FHAD1: variants seen among roughly 807,000 people sequenced by gnomAD.
The protein encoded by FHAD1 is forkhead associated phosphopeptide binding domain 1, also known as forkhead-associated domain-containing protein 1.
Under a neutral mutation model 191.3 loss-of-function variants are expected in FHAD1, and 146 were observed. That is an observed-to-expected ratio of 0.76 (90% confidence interval 0.67 to 0.88). The LOEUF (loss-of-function observed/expected upper bound fraction) is 0.88. Ranked by LOEUF, FHAD1 falls within the 40% of genes least tolerant of loss-of-function variation. The pLI, the probability that FHAD1 is intolerant of heterozygous loss-of-function variation, is 0.00. For missense variants in FHAD1, 1,635 were observed against 1,785.8 expected (o/e 0.92, Z 1.52); for synonymous variants, 616 against 672.3 (o/e 0.92, Z 1.29).
chr1:15,382,265 G>C (rs768444212), intron 31 of FHAD1, 72 bp downstream of exon 31: 218 of 1,449,060 alleles, frequency 1.5e-4, no homozygotes, highest in Non-Finnish European at 2.0e-4. Flanking sequence ...GCCGAGGGTG[G>C]TCCCTGGAGG....
intron 6 of FHAD1, among the ~76,000 whole-genome samples, chr1:15,302,087 G>A (rs1311745786): frequency 3.3e-5 from 5 of 152,182 alleles, no homozygotes; most frequent in Admixed American, 2.0e-4. Context: ...TGCACAGCAC[G>A]TGAGAGGTGG....
intron 14 of FHAD1, among the ~76,000 whole-genome samples, chr1:15,332,731 C>A (rs941945839): frequency 6.6e-6 from 1 of 152,058 alleles, no homozygotes; most frequent in Non-Finnish European, 1.5e-5. Context: ...TAAATAAACA[C>A]GGATTGTAAA....
chr1:15,375,693 C>T lies in FHAD1; in HGVS notation c.3668C>T (p.Pro1223Leu), dbSNP rs140832655. The change falls in exon 28 of 34, where the codon CCG becomes CTG. Residue 1223 changes from proline to leucine, a missense_variant. By Grantham distance (98) the Pro-to-Leu change is moderately conservative (BLOSUM62 -3). Transcript: ENST00000688493. ...NVQKILLDAK[P>L]DLPTLSRIEI... is the part of the protein sequence containing the mutation. ...CAGAAAATACTACTGGATGCAAAAC[C>T]GGATTTGCCAACTCTCTCAAGAATA... 647 of 1,546,330 alleles carry T rather than the reference C, an allele frequency of 4.2e-4. 2 individuals are homozygous for T. The African/African-American group carries it at 8.1e-3, about 19-fold the overall frequency.
At chr1:15,259,758 G>A (rs1650117713) in intron 2 of FHAD1, among the ~76,000 whole-genome samples, 1 of 152,168 alleles carries the variant, frequency 6.6e-6, no homozygotes, top group African/African-American at 2.4e-5. Context: ...GGGCTGCGTG[G>A]ATGACCCACG....
intron 22 of FHAD1, among the ~76,000 whole-genome samples, chr1:15,361,892 T>C (rs1482643982): frequency 1.3e-5 from 2 of 151,790 alleles, no homozygotes; most frequent in African/African-American, 4.8e-5. Context: ...GTAGTCCAGC[T>C]ACTCGGGAGG....
Position 15,329,452 on chromosome 1 carries a change from T to A in FHAD1, c.1817T>A (p.Leu606Gln). ...PPVSGLQKVV[L>Q]DVLRHALSWL... Reference sequence around the variant, plus strand: ...GTCTCGGGGCTCCAGAAGGTGGTGCTGGACGTCCTGAGGCACGCGCTGTCC... The same window carrying A: ...GTCTCGGGGCTCCAGAAGGTGGTGCAGGACGTCCTGAGGCACGCGCTGTCC... The change falls in exon 14 of 34, where the codon CTG becomes CAG. Residue 606 changes from leucine to glutamine, a missense_variant. Leu to Gln is a moderately radical substitution (Grantham distance 113, BLOSUM62 -2). Coordinates refer to ENST00000688493, the MANE Select transcript of FHAD1 (RefSeq NM_001391957.1). This position sits in a 1 kb window ranked among gnomAD's most constrained non-coding sequence, Gnocchi z 5.0. 1.3e-6 allele frequency: 2 copies of A among 1,551,326 alleles called. No homozygotes were observed.
intron 10 of FHAD1, among the ~76,000 whole-genome samples, chr1:15,323,506 G>T (rs74053897): frequency 6.6e-6 from 1 of 152,184 alleles, no homozygotes; most frequent in Non-Finnish European, 1.5e-5. Flanking sequence ...TCAGAAGAAA[G>T]CTTTACAGGT....
intron 1 of FHAD1, among the ~76,000 whole-genome samples, chr1:15,242,141 G>A (rs1645454097): frequency 6.6e-6 from 1 of 151,244 alleles, no homozygotes; most frequent in African/African-American, 2.4e-5. Flanking sequence ...GCTGAAGCAG[G>A]AGAATCGCTT....
intron 2 of FHAD1, among the ~76,000 whole-genome samples, chr1:15,264,492 A>T (rs1652548215): frequency 6.6e-6 from 1 of 151,816 alleles, no homozygotes; most frequent in Non-Finnish European, 1.5e-5. Context: ...TTGTATCCTG[A>T]GTACAAAATA....
intron 8 of FHAD1, among the ~76,000 whole-genome samples, chr1:15,313,618 C>T (rs1672990216): frequency 6.6e-6 from 1 of 152,190 alleles, no homozygotes; most frequent in Non-Finnish European, 1.5e-5. Context: ...GGCTTCCCCT[C>T]ATCCCAGTAA....
At chr1:15,374,872 T>G (rs569144180) in intron 27 of FHAD1, among the ~76,000 whole-genome samples, 57 of 150,712 alleles carry the variant, frequency 3.8e-4, no homozygotes, top group East Asian at 1.2e-3. Flanking sequence ...TTGTTTTTTT[T>G]TTTTGAGACA....
intron 33 of FHAD1, among the ~76,000 whole-genome samples, chr1:15,391,867 A>G (rs1459661488): frequency 6.6e-6 from 1 of 152,172 alleles, no homozygotes; most frequent in Non-Finnish European, 1.5e-5. Flanking sequence ...GTCCCCCTAG[A>G]CCTGAGACTT....
chr1:15,249,701 C>G (rs1646534573), intron 1 of FHAD1, among the ~76,000 whole-genome samples: 1 of 152,088 alleles, frequency 6.6e-6, no homozygotes, highest in Non-Finnish European at 1.5e-5. Context: ...TAAGGGCTAT[C>G]TGTTATTTCA....
At chr1:15,368,727 G>A (rs922931271) in intron 25 of FHAD1, among the ~76,000 whole-genome samples, 1 of 152,162 alleles carries the variant, frequency 6.6e-6, no homozygotes, top group South Asian at 2.1e-4. Context: ...ATCACCCGAG[G>A]TCAGGAGTTT....
At chr1:15,300,240 G>A (rs1668317365) in intron 5 of FHAD1, among the ~76,000 whole-genome samples, 2 of 152,132 alleles carry the variant, frequency 1.3e-5, no homozygotes, top group Admixed American at 6.5e-5. Context: ...TTCTTTTGGA[G>A]AGATGGGGGA....
intron 12 of FHAD1, 79 bp from the exon 13 acceptor site, chr1:15,328,198 C>T: frequency 8.2e-7 from 1 of 1,215,520 alleles, no homozygotes. Flanking sequence ...CTCCCCTCTC[C>T]CATTCCCCTT....
At chr1:15,321,223 T>C (rs1574314880) in intron 10 of FHAD1, among the ~76,000 whole-genome samples, 1 of 152,344 alleles carries the variant, frequency 6.6e-6, no homozygotes, top group South Asian at 2.1e-4. Context: ...TGAGCCACAA[T>C]GCCTGGGCGA....
intron 18 of FHAD1, among the ~76,000 whole-genome samples, chr1:15,348,435 C>A (rs1689678913): frequency 1.3e-5 from 2 of 152,160 alleles, no homozygotes; most frequent in African/African-American, 4.8e-5. Context: ...AGTTGAATAG[C>A]TTACCAGCAA....
Position 15,317,941 on chromosome 1 carries a change from C to G in FHAD1, c.1365+13C>G, listed in dbSNP as rs1276952735. On this transcript the variant is annotated intron_variant, in intron 10 of 33. Transcript: ENST00000688493. ...AGAAAAAAGCAAGGTACGTAGTGGA[C>G]AACAGGCCCAGAGAGTGGTGTGGGC... 23 of 1,517,054 alleles carry G rather than the reference C, an allele frequency of 1.5e-5. No homozygotes were observed. Among genetic ancestry groups the G allele is most frequent in the Admixed American group, 2.0e-5 (1 of 50,858 alleles). The allele number at this position is 1,517,054 out of a possible 1,614,324, so 94.0% of individuals were successfully genotyped here.
Sources: allele counts gnomAD v4.1 joint callset (sites outside exome capture counted in the v4.1 genomes callset), GRCh38; gene constraint gnomAD v4.1.1; non-coding constraint Gnocchi (gnomAD v3.1); transcripts MANE v1.5; gene names NCBI Gene and HGNC (gene_info 2026-07-23, HGNC 2026-07-21).